LRP1B: variants seen among roughly 807,000 people sequenced by gnomAD.
The protein encoded by LRP1B is low-density lipoprotein receptor-related protein 1B.
A neutral mutation model predicts 556.6 loss-of-function variants in LRP1B; 217 were observed. The ratio of observed to expected loss-of-function variants is 0.39; its 90% CI spans 0.35 to 0.44. LRP1B has a LOEUF of 0.44. Ranked by LOEUF, LRP1B falls within the 20% of genes least tolerant of loss-of-function variation. The probability of loss-of-function intolerance (pLI) is 1.00; values close to 1 mark genes in which losing one functional copy is unlikely to be tolerated. For missense variants in LRP1B, 5,053 were observed against 5,620.8 expected, an observed-to-expected ratio of 0.90 and a Z score of 3.23; for synonymous variants, 2,047 against 1,865.8, an observed-to-expected ratio of 1.10 and a Z score of -2.50.
intron 11 of LRP1B, among the ~76,000 whole-genome samples, chr2:141,041,162 C>T (rs535146971): frequency 6.6e-6 from 1 of 152,098 alleles, no homozygotes; most frequent in South Asian, 2.1e-4. Flanking sequence ...GCATGTGCAC[C>T]TACTCCTTAT....
At chr2:140,823,116 G>A (rs1691383229) in intron 31 of LRP1B, among the ~76,000 whole-genome samples, 1 of 152,158 alleles carries the variant, frequency 6.6e-6, no homozygotes, top group South Asian at 2.1e-4. Context: ...GTGGCCTCAT[G>A]ATGAGAATAC....
intron 41 of LRP1B, among the ~76,000 whole-genome samples, chr2:140,637,189 T>C (rs902340786): frequency 1.3e-5 from 2 of 152,124 alleles, no homozygotes; most frequent in Non-Finnish European, 2.9e-5. Flanking sequence ...TTGGATCAAA[T>C]GGCACTGAGA....
intron 1 of LRP1B, among the ~76,000 whole-genome samples, chr2:141,942,969 G>A (rs1046748477): frequency 9.9e-5 from 15 of 152,128 alleles, no homozygotes; most frequent in African/African-American, 3.4e-4. Flanking sequence ...TACATTATTC[G>A]TATTTGAATT....
chr2:140,743,614 G>C (rs1688211182), intron 35 of LRP1B, among the ~76,000 whole-genome samples: 1 of 152,062 alleles, frequency 6.6e-6, no homozygotes, highest in Non-Finnish European at 1.5e-5. Context: ...TTAACACAGT[G>C]CCTTGCATAT....
At chr2:141,812,509 C>T (rs1170883324) in intron 1 of LRP1B, among the ~76,000 whole-genome samples, 1 of 151,956 alleles carries the variant, frequency 6.6e-6, no homozygotes, top group African/African-American at 2.4e-5. Context: ...AATGTCATTC[C>T]ATAGTGTGTG....
intron 47 of LRP1B, among the ~76,000 whole-genome samples, chr2:140,530,322 GTAAC>G (rs1366887389): frequency 6.6e-6 from 1 of 152,092 alleles, no homozygotes; most frequent in Non-Finnish European, 1.5e-5. Context: ...GAGAGAAGGG[GTAAC>G]TGGAAGAAAG....
chr2:142,029,961 CCTTAA>C (rs1487719375), intron 1 of LRP1B, among the ~76,000 whole-genome samples: 3 of 151,494 alleles, frequency 2.0e-5, no homozygotes, highest in South Asian at 2.1e-4. Flanking sequence ...TGAACACTGA[CCTTAA>C]CTTTTTTTCT....
chr2:141,548,150 C>T (rs1685618626), intron 2 of LRP1B, among the ~76,000 whole-genome samples: 2 of 152,152 alleles, frequency 1.3e-5, no homozygotes, highest in Admixed American at 1.3e-4. Context: ...TTTTACCTTT[C>T]CTAATGTCAA....
At chr2:140,870,621 T>C (rs1199775830) in intron 25 of LRP1B, among the ~76,000 whole-genome samples, 5 of 152,300 alleles carry the variant, frequency 3.3e-5, no homozygotes. Flanking sequence ...GAGAAAGTAA[T>C]GTTGCAGTAC....
chr2:141,633,454 A>G (rs1043292815), intron 2 of LRP1B, among the ~76,000 whole-genome samples: 3 of 152,126 alleles, frequency 2.0e-5, no homozygotes, highest in African/African-American at 7.2e-5. Flanking sequence ...TCTAGCATTC[A>G]GCATAGAAAA....
At chr2:141,773,404 G>A (rs1365918118) in intron 2 of LRP1B, among the ~76,000 whole-genome samples, 1 of 152,202 alleles carries the variant, frequency 6.6e-6, no homozygotes, top group Non-Finnish European at 1.5e-5. Flanking sequence ...AAATGCTGCA[G>A]GAGCAGAAGC....
At chr2:141,098,904 G>C (rs1239830305) in intron 7 of LRP1B, among the ~76,000 whole-genome samples, 1 of 152,070 alleles carries the variant, frequency 6.6e-6, no homozygotes, top group Non-Finnish European at 1.5e-5. Flanking sequence ...TAATCCGCCC[G>C]CCTCAGCCTC....
intron 7 of LRP1B, among the ~76,000 whole-genome samples, chr2:141,108,645 C>T (rs9287310): frequency 0.36 from 54,717 of 151,644 alleles, 10,363 homozygotes; most frequent in East Asian, 0.66. Flanking sequence ...CCACCGTGCC[C>T]GGCCAAAAAT....
chr2:141,142,525 ATGT>A (rs1245228017), intron 7 of LRP1B, among the ~76,000 whole-genome samples: 1 of 152,154 alleles, frequency 6.6e-6, no homozygotes, highest in African/African-American at 2.4e-5. Context: ...TCTGCCTATG[ATGT>A]TGTTAAGATA....
chr2:141,565,298 A>T (rs1354704910), intron 2 of LRP1B, among the ~76,000 whole-genome samples: 1 of 152,046 alleles, frequency 6.6e-6, no homozygotes, highest in Non-Finnish European at 1.5e-5. Flanking sequence ...GGCTTAGCTT[A>T]TTTACCCCAC....
intron 3 of LRP1B, among the ~76,000 whole-genome samples, chr2:141,460,002 C>T (rs1205191096): frequency 6.6e-6 from 1 of 152,142 alleles, no homozygotes; most frequent in African/African-American, 2.4e-5. Context: ...TATGGTGTCT[C>T]ATATTGGTCT....
At chr2:142,062,999 A>T (rs562897653) in intron 1 of LRP1B, among the ~76,000 whole-genome samples, 91 of 150,782 alleles carry the variant, frequency 6.0e-4, no homozygotes, top group Admixed American at 1.4e-3. Flanking sequence ...TTAAAAACAA[A>T]TTCAATAAAT....
At chr2:140,636,697 C>A (rs1574172815) in intron 41 of LRP1B, among the ~76,000 whole-genome samples, 1 of 152,092 alleles carries the variant, frequency 6.6e-6, no homozygotes, top group Non-Finnish European at 1.5e-5. Flanking sequence ...CTGGGAATAG[C>A]ATTGAATATG....
intron 8 of LRP1B, 35 bp downstream of exon 8, chr2:141,062,016 A>G (rs2105467811): frequency 6.4e-7 from 1 of 1,552,616 alleles, no homozygotes; most frequent in Non-Finnish European, 8.9e-7. Flanking sequence ...TCTTTTTATT[A>G]CCCTAGGAGC....
Sources: allele counts gnomAD v4.1 joint callset (sites outside exome capture counted in the v4.1 genomes callset), GRCh38; gene constraint gnomAD v4.1.1; transcripts MANE v1.5; gene names NCBI Gene and HGNC (gene_info 2026-07-23, HGNC 2026-07-21).